The following PRKAG2 variants were observed in gnomAD, a reference collection of about 807,000 sequenced individuals.
PRKAG2 encodes the protein protein kinase AMP-activated non-catalytic subunit gamma 2.
A neutral mutation model predicts 69.6 loss-of-function variants in PRKAG2; 26 were observed. That is an observed-to-expected ratio of 0.37 (90% CI 0.27 to 0.52). The LOEUF is 0.52. Ranked by LOEUF, PRKAG2 falls within the 20% of genes least tolerant of loss-of-function variation. PRKAG2 has a pLI of 0.90. For missense variants in PRKAG2, 557 were observed against 740.0 expected (o/e 0.75, Z 2.87); for synonymous variants, 293 against 285.0 (o/e 1.03, Z -0.28).
At chr7:151,636,157 AT>A (rs1168953315) in intron 4 of PRKAG2, among the ~76,000 whole-genome samples, 4 of 152,072 alleles carry the variant, frequency 2.6e-5, no homozygotes, top group African/African-American at 9.7e-5. Flanking sequence ...AGCCAAAAAA[AT>A]CTTTACTGAA....
rs2078558517 is a variant in PRKAG2, at chr7:151,814,045, A to T, written c.115-27504T>A. Reference sequence around the variant, plus strand: ...GAAGTTCAAGCCAGGGTGGGAAGGCAGGGAGGAGACCCTGTACCCAGGACC... The same window carrying T: ...GAAGTTCAAGCCAGGGTGGGAAGGCTGGGAGGAGACCCTGTACCCAGGACC... On this transcript the variant is annotated intron_variant, in intron 1 of 15. Transcript: ENST00000287878. The surrounding 1 kb of genome is among the most constrained non-coding windows in gnomAD (Gnocchi z 4.8). 6.6e-6 allele frequency among the ~76,000 whole-genome samples: 1 copy of T among 152,194 alleles called. No individual in the cohort carries two copies. Among genetic ancestry groups the T allele is most frequent in the African/African-American group, 2.4e-5 (1 of 41,454 alleles).
At chr7:151,637,289 T>A (rs1461629005) in intron 4 of PRKAG2, among the ~76,000 whole-genome samples, 1 of 152,238 alleles carries the variant, frequency 6.6e-6, no homozygotes, top group Non-Finnish European at 1.5e-5. Flanking sequence ...GAAGTATCTC[T>A]CGTTCTAAGT....
At chr7:151,696,057 C>T (rs1836580438) in intron 3 of PRKAG2, among the ~76,000 whole-genome samples, 1 of 152,224 alleles carries the variant, frequency 6.6e-6, no homozygotes, top group African/African-American at 2.4e-5. Context: ...GAATCGCCAA[C>T]ACATCCCCGG....
At chr7:151,857,129 G>GGAA (rs760170295) in intron 1 of PRKAG2, among the ~76,000 whole-genome samples, 1 of 122,744 alleles carries the variant, frequency 8.1e-6, no homozygotes, top group Non-Finnish European at 1.7e-5. Flanking sequence ...ATCATTGCTG[G>GGAA]AAAAAAAAAA....
At chr7:151,672,783 G>T (rs1335099861) in intron 4 of PRKAG2, among the ~76,000 whole-genome samples, 1 of 152,018 alleles carries the variant, frequency 6.6e-6, no homozygotes, top group Non-Finnish European at 1.5e-5. Context: ...ACGACATTTG[G>T]ATTGTTGTTG....
At chr7:151,612,739 T>C (rs1399542304) in intron 5 of PRKAG2, among the ~76,000 whole-genome samples, 1 of 152,222 alleles carries the variant, frequency 6.6e-6, no homozygotes, top group East Asian at 1.9e-4. Flanking sequence ...TGACCGTCTA[T>C]GGGACCATTC....
chr7:151,565,082 C>T (rs529522354), intron 13 of PRKAG2, among the ~76,000 whole-genome samples: 9 of 152,208 alleles, frequency 5.9e-5, no homozygotes, highest in Non-Finnish European at 1.0e-4. Context: ...AAAATATATA[C>T]ACATGCTGTG....
intron 5 of PRKAG2, among the ~76,000 whole-genome samples, chr7:151,630,242 G>C (rs1349032998): frequency 1.3e-5 from 2 of 152,300 alleles, no homozygotes; most frequent in South Asian, 4.1e-4. Context: ...AAAAAAAAGA[G>C]TGTATATCTG....
In PRKAG2 at chr7:151,632,281, G is replaced by C; in HGVS notation, c.685-143C>G. On this transcript the variant is annotated intron_variant, in intron 4 of 15. Transcript: ENST00000287878. This position sits in a 1 kb window ranked among gnomAD's most constrained non-coding sequence, Gnocchi z 4.2. The stretch of plus-strand genomic sequence containing the variant: ...CCTGGCAGGGGACGCGGGCAGCGGG[G>C]GCCGGGGGCGGAGCGGGAGCGCTGC... 2 of 990,820 alleles carry C rather than the reference G, an allele frequency of 2.0e-6. No homozygotes were observed. The highest frequency in any genetic ancestry group is 2.4e-6 in the Non-Finnish European group (2 of 830,968). The allele number at this position is 990,820 out of a possible 1,614,324, so 61.4% of individuals were successfully genotyped here. A position where few individuals can be genotyped will look rare whatever the true frequency, so the allele number is the denominator to read the frequency against.
rs2078950230 is a variant in PRKAG2 at position 151,828,165 on chromosome 7, T to C, written c.115-41624A>G. Reference sequence around the variant, plus strand: ...GACCCCAGGCTGGCCCTGGAATGAGTGCAACTCTTTGTCCAGGGGTCTCCA... The same window carrying C: ...GACCCCAGGCTGGCCCTGGAATGAGCGCAACTCTTTGTCCAGGGGTCTCCA... On this transcript the variant is annotated intron_variant, in intron 1 of 15. Transcript: ENST00000287878. The surrounding 1 kb of genome is among the most constrained non-coding windows in gnomAD (Gnocchi z 4.6). Among the ~76,000 whole-genome samples, 1 of 152,282 alleles carries C rather than the reference T, an allele frequency of 6.6e-6. No individual in the cohort carries two copies. Among genetic ancestry groups the C allele is most frequent in the South Asian group, 2.1e-4 (1 of 4,824 alleles).
intron 6 of PRKAG2, among the ~76,000 whole-genome samples, chr7:151,582,720 T>A (rs941554180): frequency 3.3e-5 from 5 of 152,224 alleles, no homozygotes; most frequent in African/African-American, 1.2e-4. Flanking sequence ...TTTCTCAAAC[T>A]GAAATCATAA....
intron 1 of PRKAG2, among the ~76,000 whole-genome samples, chr7:151,844,520 C>A (rs2079385344): frequency 1.3e-5 from 2 of 152,120 alleles, no homozygotes; most frequent in Admixed American, 1.3e-4. Context: ...GAAGCCCTTC[C>A]CCATGAGCGA....
chr7:151,841,467 G>C (rs1221217145), intron 1 of PRKAG2, among the ~76,000 whole-genome samples: 2 of 149,912 alleles, frequency 1.3e-5, no homozygotes, highest in Non-Finnish European at 3.0e-5. Context: ...TGATAGTAGT[G>C]ATGGTAGGTA....
At chr7:151,564,735 G>A (rs1433791634) in intron 13 of PRKAG2, among the ~76,000 whole-genome samples, 1 of 151,924 alleles carries the variant, frequency 6.6e-6, no homozygotes, top group East Asian at 1.9e-4. Flanking sequence ...GGATCCAAAT[G>A]GCTTCATGGG....
chr7:151,705,917 C>T (rs895656156), intron 3 of PRKAG2, among the ~76,000 whole-genome samples: 4 of 152,012 alleles, frequency 2.6e-5, no homozygotes, highest in African/African-American at 9.7e-5. Flanking sequence ...CATCCCCCCG[C>T]CCCCCATCTG....
intron 3 of PRKAG2, among the ~76,000 whole-genome samples, chr7:151,749,814 G>A (rs920613123): frequency 2.5e-4 from 38 of 150,680 alleles, no homozygotes; most frequent in African/African-American, 9.0e-4. Context: ...GAAAAGAACT[G>A]GGTCGGGCAT....
At chr7:151,622,109 G>T (rs1474915349) in intron 5 of PRKAG2, among the ~76,000 whole-genome samples, 1 of 152,184 alleles carries the variant, frequency 6.6e-6, no homozygotes. Flanking sequence ...GGGAAGAGAG[G>T]TAAGTGAATA....
At chr7:151,839,108 G>C (rs1361189874) in intron 1 of PRKAG2, among the ~76,000 whole-genome samples, 1 of 151,890 alleles carries the variant, frequency 6.6e-6, no homozygotes, top group East Asian at 1.9e-4. Context: ...GCCATTTCCT[G>C]AACGGCTAGG....
Position 151,850,912 on chromosome 7 carries a change from G to A in PRKAG2, c.114+25595C>T, listed in dbSNP as rs1036373136. On this transcript the variant is annotated intron_variant, in intron 1 of 15. Coordinates refer to ENST00000287878, the MANE Select transcript of PRKAG2 (RefSeq NM_016203.4). The surrounding 1 kb of genome is among the most constrained non-coding windows in gnomAD (Gnocchi z 4.1). ...AATAAGAAGTCCTCGATGAGCCGCC[G>A]CAATGTGACCTTAGGCCAGTCACTT... Among the ~76,000 whole-genome samples the A allele has an allele frequency of 5.9e-5, 9 of 152,196 alleles. No individual in the cohort carries two copies. The highest frequency in any genetic ancestry group is 2.1e-4 in the South Asian group (1 of 4,830).
Sources: gnomAD v4.1 joint callset for allele counts (sites outside exome capture counted in the v4.1 genomes callset) on GRCh38, gnomAD v4.1.1 for gene constraint, Gnocchi (gnomAD v3.1) non-coding constraint, MANE v1.5 for transcripts, NCBI Gene and HGNC (gene_info 2026-07-23, HGNC 2026-07-21) for gene names.